The following TLN2 variants were observed in gnomAD, a reference collection of about 807,000 sequenced individuals.
TLN2 encodes the protein talin-2.
Under a neutral mutation model 294.7 loss-of-function variants are expected in TLN2, and 118 were observed. The observed-to-expected ratio is 0.40, with a 90% CI of 0.34 to 0.47. The LOEUF (loss-of-function observed/expected upper bound fraction) is 0.47. Among genes scored for constraint, TLN2 ranks in the 20% least tolerant of loss-of-function variants. The pLI, the probability that TLN2 is intolerant of heterozygous loss-of-function variation, is 0.84. For missense variants in TLN2, 3,083 were observed against 3,282.2 expected, an observed-to-expected ratio of 0.94 and a Z score of 1.48; for synonymous variants, 1,431 against 1,304.5, an observed-to-expected ratio of 1.10 and a Z score of -2.09.
At chr15:62,436,501 G>C (rs970735201) in intron 1 of TLN2, among the ~76,000 whole-genome samples, 18 of 152,172 alleles carry the variant, frequency 1.2e-4, no homozygotes, top group Non-Finnish European at 2.2e-4. Flanking sequence ...CAGGATGTCA[G>C]TGGAGGAGGA....
chr15:62,398,327 G>GC (rs1192051108), intron 1 of TLN2, among the ~76,000 whole-genome samples: 10 of 152,028 alleles, frequency 6.6e-5, no homozygotes, highest in South Asian at 4.1e-4. Context: ...GTTTCCTGAG[G>GC]CCCCCCAACT....
At chr15:62,596,233 C>CCAG (rs2140759675) in intron 2 of TLN2, among the ~76,000 whole-genome samples, 1 of 133,990 alleles carries the variant, frequency 7.5e-6, no homozygotes, top group East Asian at 2.6e-4. Flanking sequence ...CCACTGCACT[C>CCAG]CAGCCTGGGC....
intron 1 of TLN2, among the ~76,000 whole-genome samples, chr15:62,525,259 A>G (rs1009662225): frequency 6.6e-6 from 1 of 152,238 alleles, no homozygotes; most frequent in Non-Finnish European, 1.5e-5. Context: ...TCCTCAGGCA[A>G]GCTGTCATTT....
At chr15:62,468,877 A>G (rs1229856129) in intron 1 of TLN2, among the ~76,000 whole-genome samples, 3 of 152,230 alleles carry the variant, frequency 2.0e-5, no homozygotes, top group Admixed American at 6.5e-5. Context: ...GCTCATTTCC[A>G]TGCTGTTTTC....
rs555006314 is a variant in TLN2 at position 62,650,866 on chromosome 15, G to A, written c.234+685G>A. The stretch of plus-strand genomic sequence containing the variant: ...AAGTTCATACTTCTAGTTTTAGGAA[G>A]TGTAGTAAACAAGTTACTTAAAAAT... On this transcript the variant is annotated intron_variant, in intron 5 of 58. Transcript: ENST00000636159. 5.3e-5 allele frequency among the ~76,000 whole-genome samples: 8 copies of A among 152,214 alleles called. No individual in the cohort carries two copies. In the South Asian group the frequency reaches 1.7e-3, roughly 32 times the overall value.
chr15:62,627,153 A>G (rs1208449598), intron 3 of TLN2, among the ~76,000 whole-genome samples: 2 of 152,218 alleles, frequency 1.3e-5, no homozygotes, highest in Non-Finnish European at 2.9e-5. Flanking sequence ...ATCATCACTG[A>G]AGGCTAATGC....
At chr15:62,649,114 T>C (rs1381650743) in intron 4 of TLN2, among the ~76,000 whole-genome samples, 1 of 152,208 alleles carries the variant, frequency 6.6e-6, no homozygotes, top group Non-Finnish European at 1.5e-5. Flanking sequence ...AGTGCTAGGA[T>C]TACAGGCGTG....
intron 1 of TLN2, among the ~76,000 whole-genome samples, chr15:62,403,806 T>TA (rs2033199471): frequency 6.6e-6 from 1 of 152,206 alleles, no homozygotes; most frequent in Non-Finnish European, 1.5e-5. Context: ...GATCACCTCT[T>TA]ATGAGGTCAC....
chr15:62,749,643 CTG>C (rs2061810980), intron 33 of TLN2, among the ~76,000 whole-genome samples: 1 of 152,162 alleles, frequency 6.6e-6, no homozygotes, highest in Admixed American at 6.5e-5. Flanking sequence ...ACTCAAATGA[CTG>C]TCTTTTTGTT....
intron 1 of TLN2, among the ~76,000 whole-genome samples, chr15:62,452,258 C>T (rs987720482): frequency 3.3e-5 from 5 of 152,126 alleles, no homozygotes; most frequent in Admixed American, 6.5e-5. Context: ...CAAACCTGCT[C>T]CTCCCTCCGC....
At chr15:62,481,667 G>C (rs886533567) in intron 1 of TLN2, among the ~76,000 whole-genome samples, 7 of 151,808 alleles carry the variant, frequency 4.6e-5, no homozygotes, top group African/African-American at 1.7e-4. Context: ...AGCCAAGAAA[G>C]TGCTTTTTTT....
intron 1 of TLN2, among the ~76,000 whole-genome samples, chr15:62,486,562 AT>A (rs1372963771): frequency 6.9e-6 from 1 of 145,860 alleles, no homozygotes; most frequent in African/African-American, 2.6e-5. Flanking sequence ...TCACTATTAG[AT>A]TTTCCACAAT....
chr15:62,485,679 A>G (rs2038351235), intron 1 of TLN2, among the ~76,000 whole-genome samples: 1 of 152,168 alleles, frequency 6.6e-6, no homozygotes, highest in African/African-American at 2.4e-5. Flanking sequence ...TAAATCAGGT[A>G]ACCTTTTCCT....
intron 1 of TLN2, among the ~76,000 whole-genome samples, chr15:62,548,961 T>G (rs2140546795): frequency 6.6e-6 from 1 of 152,340 alleles, no homozygotes; most frequent in Admixed American, 6.5e-5. Context: ...TTACTGTATC[T>G]GTCTTGGTCC....
chr15:62,596,382 A>T (rs922919987), intron 2 of TLN2, among the ~76,000 whole-genome samples: 3 of 152,176 alleles, frequency 2.0e-5, no homozygotes, highest in Non-Finnish European at 4.4e-5. Flanking sequence ...TCTATGATAT[A>T]CATATTTAAA....
At chr15:62,549,782 G>A (rs2042196643) in intron 1 of TLN2, among the ~76,000 whole-genome samples, 1 of 151,068 alleles carries the variant, frequency 6.6e-6, no homozygotes, top group Admixed American at 6.6e-5. Flanking sequence ...GGATAGGGCA[G>A]GGGGCAGATG....
intron 1 of TLN2, among the ~76,000 whole-genome samples, chr15:62,472,910 G>C (rs1034587680): frequency 1.3e-5 from 2 of 152,228 alleles, no homozygotes; most frequent in Non-Finnish European, 2.9e-5. Flanking sequence ...GCTGAGGAAG[G>C]GGGTGGCCCA....
chr15:62,479,218 G>C (rs190016156), intron 1 of TLN2, among the ~76,000 whole-genome samples: 152 of 152,264 alleles, frequency 1.0e-3, no homozygotes, highest in African/African-American at 3.5e-3. Context: ...ATAACCTTGT[G>C]CCTGTGTGCA....
At position 62,657,328 on chromosome 15, in the gene TLN2, A is replaced by G. The variant is rs112958975; in HGVS notation, c.661-443A>G. ...TCGCCTTTCTTTCTCTTCCTCTATT[A>G]CATTGGTTTTTATCTGGGGATGGGG... On this transcript the variant is annotated intron_variant, in intron 8 of 58. Transcript: ENST00000636159. Among the ~76,000 whole-genome samples the G allele has an allele frequency of 7.2e-3, 1,089 of 151,868 alleles. 13 individuals are homozygous for G. The highest frequency in any genetic ancestry group is 0.025 in the African/African-American group (1,033 of 41,390).
Sources: gnomAD v4.1 joint callset for allele counts (sites outside exome capture counted in the v4.1 genomes callset) on GRCh38, gnomAD v4.1.1 for gene constraint, MANE v1.5 for transcripts, NCBI Gene and HGNC (gene_info 2026-07-23, HGNC 2026-07-21) for gene names.